The following CDH18 variants were observed in gnomAD, a reference collection of about 807,000 sequenced individuals.
CDH18 encodes the protein cadherin-18.
CDH18 carries 31 observed loss-of-function variants against 67.9 expected under a neutral mutation model. The ratio of observed to expected loss-of-function variants is 0.46; its 90% CI spans 0.34 to 0.62. The LOEUF (loss-of-function observed/expected upper bound fraction) is 0.62. Ranked by LOEUF, CDH18 falls within the 20% of genes least tolerant of loss-of-function variation. The pLI is 0.01. For synonymous variants in CDH18, 362 were observed against 347.2 expected (o/e 1.04, Z -0.48); for missense variants, 890 against 975.5 (o/e 0.91, Z 1.17).
intron 3 of CDH18, among the ~76,000 whole-genome samples, chr5:19,823,864 G>T (rs1780142197): frequency 6.6e-6 from 1 of 152,072 alleles, no homozygotes. Flanking sequence ...AGTATCAGCA[G>T]TGTGTTAAAC....
At chr5:20,462,991 C>T (rs1005472602) in intron 1 of CDH18, among the ~76,000 whole-genome samples, 8 of 152,166 alleles carry the variant, frequency 5.3e-5, no homozygotes, top group African/African-American at 1.9e-4. Context: ...ACTGCAAAGA[C>T]AGGTGCAGTT....
intron 1 of CDH18, among the ~76,000 whole-genome samples, chr5:20,367,617 T>C (rs376354427): frequency 6.6e-6 from 1 of 152,218 alleles, no homozygotes; most frequent in South Asian, 2.1e-4. Context: ...AGTCTTATAC[T>C]CTTATATTAT....
At chr5:19,712,867 A>G (rs1417366986) in intron 5 of CDH18, among the ~76,000 whole-genome samples, 1 of 151,802 alleles carries the variant, frequency 6.6e-6, no homozygotes, top group Non-Finnish European at 1.5e-5. Flanking sequence ...ATGGGATTGC[A>G]GTACATTTAA....
intron 2 of CDH18, among the ~76,000 whole-genome samples, chr5:19,857,258 A>C (rs1412619763): frequency 1.3e-5 from 2 of 152,136 alleles, no homozygotes; most frequent in Non-Finnish European, 2.9e-5. Context: ...CTAAAAAAAA[A>C]AAAAAAAGTT....
intron 3 of CDH18, among the ~76,000 whole-genome samples, chr5:19,813,385 A>G (rs569641215): frequency 6.6e-6 from 1 of 152,162 alleles, no homozygotes; most frequent in Non-Finnish European, 1.5e-5. Context: ...ACTCATTTCT[A>G]TGTGGATAAG....
chr5:20,183,200 T>C (rs1737833761), intron 2 of CDH18, among the ~76,000 whole-genome samples: 1 of 108,216 alleles, frequency 9.2e-6, no homozygotes, highest in South Asian at 3.0e-4. Context: ...TTAGCTATCA[T>C]TACTATTGTT....
At chr5:20,528,721 A>T (rs1756217410) in intron 1 of CDH18, among the ~76,000 whole-genome samples, 1 of 152,072 alleles carries the variant, frequency 6.6e-6, no homozygotes, top group African/African-American at 2.4e-5. Flanking sequence ...ACATACCAGA[A>T]TCTCAGGGAC....
At chr5:20,081,690 C>T (rs1194718496) in intron 2 of CDH18, among the ~76,000 whole-genome samples, 1 of 151,934 alleles carries the variant, frequency 6.6e-6, no homozygotes, top group Non-Finnish European at 1.5e-5. Flanking sequence ...TACTAACACA[C>T]GAATAGAAAA....
chr5:19,675,520 T>A (rs952796728), intron 5 of CDH18, among the ~76,000 whole-genome samples: 3 of 152,082 alleles, frequency 2.0e-5, no homozygotes, highest in Non-Finnish European at 4.4e-5. Flanking sequence ...TCAGCAATAT[T>A]TTTCCTATTT....
chr5:19,966,553 A>G (rs2150320943), intron 2 of CDH18, among the ~76,000 whole-genome samples: 1 of 152,248 alleles, frequency 6.6e-6, no homozygotes, highest in Middle Eastern at 3.4e-3. Flanking sequence ...TATCAGTCAC[A>G]TGGTATAAAG....
At chr5:19,762,552 C>A (rs1054397322) in intron 3 of CDH18, among the ~76,000 whole-genome samples, 1 of 152,018 alleles carries the variant, frequency 6.6e-6, no homozygotes, top group African/African-American at 2.4e-5. Context: ...GGTTTTGATA[C>A]CACTCACACC....
intron 8 of CDH18, among the ~76,000 whole-genome samples, chr5:19,552,067 G>A (rs1459564502): frequency 1.3e-5 from 2 of 151,992 alleles, no homozygotes; most frequent in African/African-American, 2.4e-5. Context: ...AAATATGTTG[G>A]TAGCACTAAT....
At chr5:19,551,056 T>C (rs1191503677) in intron 8 of CDH18, among the ~76,000 whole-genome samples, 4 of 152,148 alleles carry the variant, frequency 2.6e-5, no homozygotes, top group South Asian at 2.1e-4. Flanking sequence ...TACAGATACT[T>C]TGTAGAGAAA....
intron 1 of CDH18, among the ~76,000 whole-genome samples, chr5:20,330,225 A>G (rs182290498): frequency 6.6e-6 from 1 of 152,272 alleles, no homozygotes; most frequent in East Asian, 1.9e-4. Context: ...TTGCTGTCTT[A>G]GGTAATTCAA....
Position 20,491,182 on chromosome 5 carries a change from G to T in CDH18, c.-580+84280C>A, listed in dbSNP as rs542107851. ...AAATTTTTCTCCCTATGATGTTTAG[G>T]TATAGTATTTGGTTTATTATTATTA... On this transcript the variant is annotated intron_variant, in intron 1 of 14. Coordinates refer to the CDH18 transcript ENST00000507958. Among the ~76,000 whole-genome samples, 4 of 150,022 alleles carry T rather than the reference G, an allele frequency of 2.7e-5. No individual in the cohort carries two copies. In the East Asian group the frequency reaches 7.8e-4, roughly 29 times the overall value.
chr5:19,618,212 T>G (rs567263352), intron 5 of CDH18, among the ~76,000 whole-genome samples: 13 of 142,724 alleles, frequency 9.1e-5, no homozygotes, highest in Non-Finnish European at 2.0e-4. Context: ...TTTTTCTTTC[T>G]TTTTTTTTTT....
intron 2 of CDH18, among the ~76,000 whole-genome samples, chr5:20,049,632 G>A (rs1237211484): frequency 6.6e-6 from 1 of 151,740 alleles, no homozygotes; most frequent in Admixed American, 6.6e-5. Context: ...GACCTAAAAA[G>A]AGCACATGTA....
At chr5:20,365,303 A>T (rs752193217) in intron 1 of CDH18, among the ~76,000 whole-genome samples, 1 of 152,254 alleles carries the variant, frequency 6.6e-6, no homozygotes, top group Admixed American at 6.5e-5. Context: ...TCATGACCAC[A>T]TCTAATTCTA....
chr5:20,501,545 AT>A (rs1260108417), intron 1 of CDH18, among the ~76,000 whole-genome samples: 4 of 25,544 alleles, frequency 1.6e-4, no homozygotes, highest in East Asian at 0.015. Flanking sequence ...TTATATACAT[AT>A]TATATATATA....
Sources: gnomAD v4.1 joint callset for allele counts (sites outside exome capture counted in the v4.1 genomes callset) on GRCh38, gnomAD v4.1.1 for gene constraint, MANE v1.5 for transcripts, NCBI Gene and HGNC (gene_info 2026-07-23, HGNC 2026-07-21) for gene names.